The following CEP152 variants were observed in gnomAD, a reference collection of about 807,000 sequenced individuals.
CEP152 encodes centrosomal protein 152.
Under a neutral mutation model 188.9 loss-of-function variants are expected in CEP152, and 132 were observed. That is an observed-to-expected ratio of 0.70 (90% CI 0.61 to 0.81). CEP152 has a LOEUF of 0.81. Among genes scored for constraint, CEP152 ranks in the 30% least tolerant of loss-of-function variants. CEP152 has a pLI of 0.00. For missense variants in CEP152, 1,914 were observed against 1,969.8 expected, an observed-to-expected ratio of 0.97 and a Z score of 0.54; for synonymous variants, 649 against 666.6, an observed-to-expected ratio of 0.97 and a Z score of 0.41.
At chr15:48,740,028 C>T (rs1229549812) in intron 26 of CEP152, among the ~76,000 whole-genome samples, 2 of 152,200 alleles carry the variant, frequency 1.3e-5, no homozygotes, top group East Asian at 3.8e-4. Flanking sequence ...CCTGAACAAT[C>T]TCAGCTTCAA....
chr15:48,729,687 T>C (rs993745535), intron 2 of CEP152: 1 of 152,180 alleles, frequency 6.6e-6, no homozygotes, highest in Non-Finnish European at 1.5e-5. Context: ...ATACTCAGGG[T>C]GTCTGCAAAT....
intron 22 of CEP152, among the ~76,000 whole-genome samples, 186 bp downstream of exon 22, chr15:48,748,257 C>A (rs1893606036): frequency 6.6e-6 from 1 of 152,122 alleles, no homozygotes; most frequent in African/African-American, 2.4e-5. Context: ...ACCTTTTAAT[C>A]AGAGCTGAAA....
intron 15 of CEP152, among the ~76,000 whole-genome samples, chr15:48,767,870 C>T (rs1230972381): frequency 6.6e-6 from 1 of 152,140 alleles, no homozygotes; most frequent in African/African-American, 2.4e-5. Flanking sequence ...AAGTCTGTTT[C>T]CAAGTTTATG....
chr15:48,798,118 T>C, intron 2 of CEP152, 67 bp from the exon 3 acceptor site: 1 of 1,283,612 alleles, frequency 7.8e-7, no homozygotes, highest in Non-Finnish European at 1.1e-6. Flanking sequence ...AAAGCTGCCT[T>C]GGAACGAGTG....
At chr15:48,785,149 T>G (rs1413947709) in intron 9 of CEP152, among the ~76,000 whole-genome samples, 1 of 152,120 alleles carries the variant, frequency 6.6e-6, no homozygotes, top group East Asian at 1.9e-4. Flanking sequence ...TAGTATAACC[T>G]AAAGCCCAAT....
Position 48,797,308 on chromosome 15 carries a change from T to C in CEP152, c.533A>G (p.His178Arg). 1 of 1,614,016 alleles carries C rather than the reference T, an allele frequency of 6.2e-7. No individual in the cohort carries two copies. The highest frequency in any genetic ancestry group is 8.5e-7 in the Non-Finnish European group (1 of 1,179,970). Reference sequence around the variant, plus strand: ...GTCAAGTTTTTACAATACCTGAAAATGGTTCCATTGAGGATCTGAAAATTT... The same window carrying C: ...GTCAAGTTTTTACAATACCTGAAAACGGTTCCATTGAGGATCTGAAAATTT... ...VIKFSDPQWNHFQGPSCQGLE... is the reference protein window; with the variant it reads ...VIKFSDPQWNRFQGPSCQGLE... The change falls in exon 5 of 27, where the codon CAT becomes CGT. Residue 178 changes from histidine (H) to arginine (R), a missense_variant. His to Arg is a conservative substitution (Grantham distance 29). Coordinates refer to ENST00000380950, the MANE Select transcript of CEP152 (RefSeq NM_001194998.2).
chr15:48,798,144 G>A lies in CEP152; in HGVS notation c.88-93C>T, dbSNP rs1445173039. 34 of 887,560 alleles carry A rather than the reference G, an allele frequency of 3.8e-5. No homozygotes were observed. In the East Asian group the frequency reaches 5.6e-4, roughly 15 times the overall value. 55.0% of individuals were successfully genotyped at this position (887,560 alleles called of 1,614,324 possible). ...GGAACGAGTGGTTTTTTACTGTAGA[G>A]GTCAAAGAAGTTCATAATTCCCTCC... On this transcript the variant is annotated intron_variant, in intron 2 of 26. Coordinates refer to ENST00000380950, the MANE Select transcript of CEP152 (RefSeq NM_001194998.2).
intron 8 of CEP152, 53 bp downstream of exon 8, chr15:48,791,184 G>A: frequency 6.5e-7 from 1 of 1,532,596 alleles, no homozygotes; most frequent in Non-Finnish European, 8.9e-7. Flanking sequence ...AAAAAGTTTT[G>A]TTAAATAACT....
rs765945829 is a variant in CEP152 at position 48,784,064 on chromosome 15, T to C, written c.1230A>G (p.Glu410=). Residue 410 remains glutamate, a synonymous_variant, in exon 10 of 27, where the codon GAA becomes GAG. Transcript: ENST00000380950. The part of the protein sequence containing the change: ...DHVKQLERNQ[E]AIKLEKTEII... ...TCTCAGTCTTTTCTAACTTGATTGCTTCTTGATTCCTTTCCAGTTGTTTCA... is the reference window on the plus strand; with the variant it reads ...TCTCAGTCTTTTCTAACTTGATTGCCTCTTGATTCCTTTCCAGTTGTTTCA... 2 of 1,613,902 alleles carry C rather than the reference T, an allele frequency of 1.2e-6. No homozygotes were observed. Among genetic ancestry groups the C allele is most frequent in the Non-Finnish European group, 1.7e-6 (2 of 1,179,894 alleles).
Position 48,738,403 on chromosome 15 carries a change from G to T in CEP152, c.4979C>A (p.Ser1660Tyr). 1.2e-6 allele frequency: 2 copies of T among 1,614,184 alleles called. No individual in the cohort carries two copies. The highest frequency in any genetic ancestry group is 1.7e-6 in the Non-Finnish European group (2 of 1,180,020). ...CTTTAATCTATCAGCCTTATGACGA[G>T]ATGGGTGTCCACAATTCACACTGAT... ...GKISVNCGHP[S>Y]RHKADRLKSD... Residue 1660 changes from serine to tyrosine, a missense_variant, in exon 27 of 27, where the codon TCT becomes TAT. Coordinates refer to ENST00000380950, the MANE Select transcript of CEP152 (RefSeq NM_001194998.2).
chr15:48,778,432 C>T (rs573111543), intron 12 of CEP152, among the ~76,000 whole-genome samples: 2 of 152,132 alleles, frequency 1.3e-5, no homozygotes, highest in African/African-American at 2.4e-5. Context: ...TAGTTTTCCA[C>T]GAAGCCAAAA....
intron 9 of CEP152, among the ~76,000 whole-genome samples, chr15:48,785,619 T>A (rs561454468): frequency 6.6e-6 from 1 of 152,162 alleles, no homozygotes; most frequent in Admixed American, 6.5e-5. Flanking sequence ...AAAAAAATTG[T>A]AAAGAAAAGG....
intron 7 of CEP152, among the ~76,000 whole-genome samples, chr15:48,792,903 G>A (rs1295163902): frequency 2.0e-5 from 3 of 149,724 alleles, no homozygotes; most frequent in African/African-American, 7.4e-5. Flanking sequence ...TGCAACCTCC[G>A]CCTGCAGGTT....
At chr15:48,753,680 A>G (rs1894053108) in intron 20 of CEP152, among the ~76,000 whole-genome samples, 1 of 152,234 alleles carries the variant, frequency 6.6e-6, no homozygotes, top group African/African-American at 2.4e-5. Context: ...AAGGGAGAAA[A>G]GCAACAACCT....
downstream of CEP152, among the ~76,000 whole-genome samples, chr15:48,734,255 C>T (rs1240109170): frequency 2.7e-5 from 4 of 149,174 alleles, no homozygotes; most frequent in African/African-American, 9.8e-5. Flanking sequence ...GACATAATAG[C>T]ACAAAGGAGG....
intron 21 of CEP152, among the ~76,000 whole-genome samples, chr15:48,751,458 G>C (rs1893868123): frequency 6.6e-6 from 1 of 152,114 alleles, no homozygotes; most frequent in South Asian, 2.1e-4. Flanking sequence ...AGGGGAAAAG[G>C]GTTTGTGAAC....
intron 22 of CEP152, among the ~76,000 whole-genome samples, chr15:48,747,164 C>A (rs1297775522): frequency 6.6e-6 from 1 of 152,092 alleles, no homozygotes; most frequent in Non-Finnish European, 1.5e-5. Flanking sequence ...TCCAGCTACC[C>A]TATGGAGAAT....
chr15:48,796,291 C>T (rs62009408), intron 5 of CEP152, 131 bp from the exon 6 acceptor site: 636 of 52,266 alleles, frequency 0.012, 2 homozygotes, highest in African/African-American at 0.042. Flanking sequence ...TATATATATA[C>T]ACACACACAC....
At chr15:48,754,767 C>T (rs560677514) in intron 20 of CEP152, among the ~76,000 whole-genome samples, 3 of 152,274 alleles carry the variant, frequency 2.0e-5, no homozygotes, top group South Asian at 4.1e-4. Flanking sequence ...CCTACCCAAA[C>T]CCAAGGAATT....
Sources: allele counts gnomAD v4.1 joint callset (sites outside exome capture counted in the v4.1 genomes callset), GRCh38; gene constraint gnomAD v4.1.1; transcripts MANE v1.5; gene names NCBI Gene and HGNC (gene_info 2026-07-23, HGNC 2026-07-21).